OPRM1: variants seen among roughly 807,000 people sequenced by gnomAD.
The protein encoded by OPRM1 is opioid receptor mu 1.
In OPRM1, 27 loss-of-function variants were observed where a neutral mutation model predicts 31.8. That is an observed-to-expected ratio of 0.85 (90% confidence interval 0.63 to 1.17). The LOEUF (loss-of-function observed/expected upper bound fraction) is 1.17, where lower values mean the gene tolerates loss of function less well. Ranked by LOEUF, OPRM1 falls within the 50% of genes most tolerant of loss-of-function variation. The pLI, the probability that OPRM1 is intolerant of heterozygous loss-of-function variation, is 0.00. For missense variants in OPRM1, 536 were observed against 511.1 expected, an observed-to-expected ratio of 1.05 and a Z score of -0.47; for synonymous variants, 196 against 189.9, an observed-to-expected ratio of 1.03 and a Z score of -0.26.
intron 3 of OPRM1, among the ~76,000 whole-genome samples, chr6:154,164,723 G>A (rs941933249): frequency 2.0e-5 from 3 of 152,178 alleles, no homozygotes; most frequent in East Asian, 1.9e-4. Context: ...AGGGTTCACC[G>A]CTCTTGTGAC....
chr6:154,097,586 C>CGTGTGTGTGTGTGT (rs5881063), intron 3 of OPRM1, among the ~76,000 whole-genome samples: 11 of 149,726 alleles, frequency 7.3e-5, no homozygotes, highest in African/African-American at 2.4e-4. Flanking sequence ...AAAATGGTTC[C>CGTGTGTGTGTGTGT]GTGTGTGTGT....
chr6:154,193,444 C>A (rs1422200192), intron 3 of OPRM1, among the ~76,000 whole-genome samples: 2 of 152,164 alleles, frequency 1.3e-5, no homozygotes, highest in Non-Finnish European at 2.9e-5. Flanking sequence ...GAAATCACCA[C>A]TGAAGAACTC....
At chr6:154,184,644 T>C (rs2882527) in intron 3 of OPRM1, among the ~76,000 whole-genome samples, 94,865 of 151,940 alleles carry the variant, frequency 0.62, 30,364 homozygotes, top group African/African-American at 0.75. Flanking sequence ...ATAGTGCCTA[T>C]AACAGATATT....
chr6:154,084,318 C>A (rs1789956275), intron 1 of OPRM1, among the ~76,000 whole-genome samples: 1 of 152,078 alleles, frequency 6.6e-6, no homozygotes, highest in South Asian at 2.1e-4. Flanking sequence ...AAAATAGCAA[C>A]CTAATATATA....
At position 154,150,967 on chromosome 6, in the gene OPRM1, C is replaced by A. The variant is rs577840238; in HGVS notation, c.1164+59495C>A. 1.2e-4 allele frequency among the ~76,000 whole-genome samples: 19 copies of A among 152,342 alleles called. No homozygotes were observed. The South Asian group carries it at 3.9e-3, about 32-fold the overall frequency. ...CTCTCTTCGATGCGTCAATGGCACT[C>A]AGCGACTACTTTCCCCCACGCCTGT... On this transcript the variant is annotated intron_variant, in intron 3 of 3. Coordinates refer to the OPRM1 transcript ENST00000337049.
intron 1 of OPRM1, chr6:154,046,758 G>A (rs1583213991): frequency 6.6e-6 from 1 of 152,150 alleles, no homozygotes; most frequent in African/African-American, 2.4e-5. Flanking sequence ...GGCCCCAAGT[G>A]TCAGTTGTGG....
At chr6:154,027,563 G>A (rs759875838) in intron 1 of OPRM1, among the ~76,000 whole-genome samples, 13 of 152,210 alleles carry the variant, frequency 8.5e-5, no homozygotes, top group Non-Finnish European at 1.8e-4. Flanking sequence ...TCCCTTCAGT[G>A]TGACAAGTTC....
At chr6:154,196,182 T>C (rs1164465383) in intron 3 of OPRM1, among the ~76,000 whole-genome samples, 1 of 152,146 alleles carries the variant, frequency 6.6e-6, no homozygotes, top group Non-Finnish European at 1.5e-5. Flanking sequence ...AATATAATAA[T>C]GCAAAATTGA....
At chr6:154,169,345 A>C (rs1227105648) in intron 3 of OPRM1, among the ~76,000 whole-genome samples, 1 of 152,136 alleles carries the variant, frequency 6.6e-6, no homozygotes, top group East Asian at 1.9e-4. Flanking sequence ...TGGGCTACAG[A>C]GTGAGACTCT....
At chr6:154,112,988 G>A (rs1361128796) in intron 3 of OPRM1, among the ~76,000 whole-genome samples, 1 of 152,156 alleles carries the variant, frequency 6.6e-6, no homozygotes, top group African/African-American at 2.4e-5. Context: ...TTTCAGATAA[G>A]CACCTAGCTT....
intron 1 of OPRM1, among the ~76,000 whole-genome samples, chr6:154,048,981 G>T (rs948527343): frequency 4.6e-5 from 7 of 152,168 alleles, no homozygotes; most frequent in Admixed American, 2.0e-4. Context: ...CTGAAGCTTT[G>T]CTTCTAGGGG....
At chr6:154,243,841 T>C (rs568468786) in intron 3 of OPRM1, among the ~76,000 whole-genome samples, 5 of 152,314 alleles carry the variant, frequency 3.3e-5, no homozygotes, top group Admixed American at 6.5e-5. Flanking sequence ...TTTCAGTCTA[T>C]CCCACTTTCA....
At chr6:154,033,607 C>CT (rs955254347) in intron 1 of OPRM1, among the ~76,000 whole-genome samples, 28 of 152,218 alleles carry the variant, frequency 1.8e-4, no homozygotes, top group African/African-American at 6.0e-4. Context: ...GGTTAATACA[C>CT]TTTTTTTGTG....
intron 3 of OPRM1, among the ~76,000 whole-genome samples, chr6:154,192,676 G>T (rs1045371112): frequency 2.0e-5 from 3 of 151,280 alleles, no homozygotes; most frequent in African/African-American, 4.9e-5. Flanking sequence ...AAAAAAAAAT[G>T]ACTTAATCCT....
At chr6:154,197,937 T>C (rs1482876860) in intron 3 of OPRM1, among the ~76,000 whole-genome samples, 3 of 152,208 alleles carry the variant, frequency 2.0e-5, no homozygotes, top group Non-Finnish European at 4.4e-5. Flanking sequence ...TTTTCTTTAG[T>C]TTCACCAGTC....
intron 1 of OPRM1, among the ~76,000 whole-genome samples, chr6:154,083,263 A>T (rs2128471119): frequency 6.6e-6 from 1 of 152,324 alleles, no homozygotes; most frequent in East Asian, 1.9e-4. Flanking sequence ...AGAGCTTTAC[A>T]AAAGTGCATA....
At chr6:154,110,227 C>T in intron 3 of OPRM1, 11 of 540,958 alleles carry the variant, frequency 2.0e-5, no homozygotes, top group East Asian at 3.2e-5. Flanking sequence ...ACTTTGTTTT[C>T]TGGTGATATT....
At chr6:154,045,590 A>G (rs920267622) in intron 1 of OPRM1, among the ~76,000 whole-genome samples, 3 of 152,216 alleles carry the variant, frequency 2.0e-5, no homozygotes, top group Non-Finnish European at 4.4e-5. Context: ...AATGGCTTTC[A>G]CGTTGTTTCA....
At chr6:154,056,097 C>CTCTTTTCTTTTCTTTTCTTTTCTTT (rs10633291) in intron 1 of OPRM1, among the ~76,000 whole-genome samples, 3 of 151,342 alleles carry the variant, frequency 2.0e-5, no homozygotes, top group African/African-American at 7.3e-5. Context: ...AATGATGGAG[C>CTCTTTTCTTTTCTTTTCTTTTCTTT]TCTTTTCTTT....
Sources: allele counts gnomAD v4.1 joint callset (sites outside exome capture counted in the v4.1 genomes callset), GRCh38; gene constraint gnomAD v4.1.1; transcripts MANE v1.5; gene names NCBI Gene and HGNC (gene_info 2026-07-23, HGNC 2026-07-21).